CABLES1: variants seen among roughly 807,000 people sequenced by gnomAD.
CABLES1 encodes CDK5 and ABL1 enzyme substrate 1.
In CABLES1, 36 loss-of-function variants were observed where a neutral mutation model predicts 57.8. That is an observed-to-expected ratio of 0.62 (90% CI 0.48 to 0.82). The LOEUF (loss-of-function observed/expected upper bound fraction) is 0.82. Ranked by LOEUF, CABLES1 falls within the 40% of genes least tolerant of loss-of-function variation. The pLI, the probability that CABLES1 is intolerant of heterozygous loss-of-function variation, is 0.00. For synonymous variants in CABLES1, 374 were observed against 363.0 expected (o/e 1.03, Z -0.35); for missense variants, 767 against 836.6 (o/e 0.92, Z 1.03).
chr18:23,248,512 C>CT (rs59555750), intron 7 of CABLES1, among the ~76,000 whole-genome samples: 2,936 of 90,710 alleles, frequency 0.032, 80 homozygotes, highest in Middle Eastern at 0.055. Context: ...GACCCTATGT[C>CT]TTTTTTTTTT....
intron 1 of CABLES1, among the ~76,000 whole-genome samples, chr18:23,137,259 A>T (rs1258382744): frequency 6.6e-6 from 1 of 152,200 alleles, no homozygotes; most frequent in Admixed American, 6.5e-5. Flanking sequence ...TGAGTTCGTT[A>T]AACGCTTGTT....
chr18:23,178,868 C>T (rs1247286780), intron 1 of CABLES1, among the ~76,000 whole-genome samples: 2 of 152,194 alleles, frequency 1.3e-5, no homozygotes, highest in East Asian at 1.9e-4. Context: ...TTTCTTGACC[C>T]GCCTATGAAA....
chr18:23,202,187 C>T (rs1206676005), intron 3 of CABLES1, among the ~76,000 whole-genome samples: 1 of 152,212 alleles, frequency 6.6e-6, no homozygotes, highest in Non-Finnish European at 1.5e-5. Flanking sequence ...GGAACACAGT[C>T]ACTCTGGGTG....
At chr18:23,236,211 G>T (rs1379485906) in intron 6 of CABLES1, among the ~76,000 whole-genome samples, 160 bp downstream of exon 6, 1 of 152,198 alleles carries the variant, frequency 6.6e-6, no homozygotes, top group Non-Finnish European at 1.5e-5. Context: ...GGCCCGCAAT[G>T]AAGCCGCAGG....
chr18:23,246,576 A>G (rs949916728), intron 7 of CABLES1, among the ~76,000 whole-genome samples: 4 of 151,742 alleles, frequency 2.6e-5, no homozygotes, highest in Admixed American at 6.6e-5. Flanking sequence ...TGTTTTTAGT[A>G]GAGATGGGGT....
At chr18:23,172,190 A>T (rs911259654) in intron 1 of CABLES1, among the ~76,000 whole-genome samples, 1 of 152,164 alleles carries the variant, frequency 6.6e-6, no homozygotes, top group Non-Finnish European at 1.5e-5. Flanking sequence ...CTGAATACTC[A>T]TATGTAGGTA....
chr18:23,227,242 C>A lies in CABLES1; in HGVS notation c.1089-7366C>A, dbSNP rs546638619. The stretch of plus-strand genomic sequence containing the variant: ...TCCCTGCCTGGCTCCAGGCCCATGC[C>A]CCCTTCCTCCCCACCCACTTTCCCC... On this transcript the variant is annotated intron_variant, in intron 4 of 9. Coordinates refer to ENST00000256925, the MANE Select transcript of CABLES1 (RefSeq NM_001100619.3). Among the ~76,000 whole-genome samples the A allele has an allele frequency of 1.9e-4, 29 of 152,178 alleles. 1 individual carries two copies. In the South Asian group the frequency reaches 5.8e-3, roughly 31 times the overall value.
chr18:23,200,477 A>T lies in CABLES1; in HGVS notation c.1010+5937A>T, dbSNP rs112785205. The stretch of plus-strand genomic sequence containing the variant: ...CGGGGTTTCACCATGTTAGCCAGGA[A>T]GGTCTCGATCTCCTGACCTTGTGAT... On this transcript the variant is annotated intron_variant, in intron 3 of 9. Coordinates refer to ENST00000256925, the MANE Select transcript of CABLES1 (RefSeq NM_001100619.3). Among the ~76,000 whole-genome samples the T allele has an allele frequency of 6.3e-3, 963 of 152,110 alleles. 5 individuals are homozygous for T. The highest frequency in any genetic ancestry group is 0.019 in the African/African-American group (780 of 41,476).
intron 9 of CABLES1, among the ~76,000 whole-genome samples, chr18:23,255,736 T>C (rs1409387073): frequency 6.6e-6 from 1 of 151,946 alleles, no homozygotes; most frequent in Non-Finnish European, 1.5e-5. Context: ...ATTTTTTTTA[T>C]TTTTTATAGA....
intron 1 of CABLES1, among the ~76,000 whole-genome samples, chr18:23,159,370 C>T (rs2046987301): frequency 6.6e-6 from 1 of 152,112 alleles, no homozygotes; most frequent in Non-Finnish European, 1.5e-5. Flanking sequence ...GAGTATTTGC[C>T]CTGTTGTCTT....
At chr18:23,157,890 G>C (rs549635488) in intron 1 of CABLES1, among the ~76,000 whole-genome samples, 1 of 152,196 alleles carries the variant, frequency 6.6e-6, no homozygotes, top group Admixed American at 6.5e-5. Context: ...GAGCCAGACT[G>C]CCCAGGTTTG....
intron 4 of CABLES1, among the ~76,000 whole-genome samples, chr18:23,216,903 A>G (rs1214847771): frequency 1.3e-5 from 2 of 152,128 alleles, no homozygotes; most frequent in Non-Finnish European, 2.9e-5. Context: ...AGAAAGGGCC[A>G]CTGCATAGGA....
chr18:23,226,236 T>C (rs1467267020), intron 4 of CABLES1, among the ~76,000 whole-genome samples: 1 of 152,126 alleles, frequency 6.6e-6, no homozygotes, highest in Non-Finnish European at 1.5e-5. Flanking sequence ...ACCCCATCTC[T>C]ACTAAAATTA....
intron 3 of CABLES1, among the ~76,000 whole-genome samples, chr18:23,204,914 A>AT: frequency 6.6e-6 from 1 of 152,348 alleles, no homozygotes; most frequent in East Asian, 1.9e-4. Flanking sequence ...ACATGTGGGA[A>AT]TTATGGGAGC....
Position 23,136,088 on chromosome 18 carries a change from G to C in CABLES1, c.326G>C (p.Ser109Thr). The C allele has an allele frequency of 8.5e-7, 1 of 1,179,562 alleles. No homozygotes were observed. The highest frequency in any genetic ancestry group is 1.0e-6 in the Non-Finnish European group (1 of 955,572). The allele number at this position is 1,179,562 out of a possible 1,614,324, so 73.1% of individuals were successfully genotyped here. The change falls in exon 1 of 10, where the codon AGC becomes ACC. Residue 109 changes from serine (S) to threonine (T), a missense_variant. This residue lies in a region of CABLES1 where 198 missense variants were observed against 149.7 expected (regional missense o/e 1.32). Coordinates refer to ENST00000256925, the MANE Select transcript of CABLES1 (RefSeq NM_001100619.3). ...GCCTGCGGCGCGAGGACTCGGTTCA[G>C]CTTGCTCGCCGCTGCCGAGCGGGGC... is the stretch of plus-strand genomic sequence containing the variant. Reference protein sequence around the residue: ...GGACGARTRFSLLAAAERGGC... With the variant: ...GGACGARTRFTLLAAAERGGC...
chr18:23,189,539 C>G (rs560485197), intron 2 of CABLES1, among the ~76,000 whole-genome samples: 4 of 152,188 alleles, frequency 2.6e-5, no homozygotes, highest in African/African-American at 9.7e-5. Context: ...TACTGCACCC[C>G]CTTCCATCCT....
At chr18:23,180,579 C>T (rs60605964) in intron 1 of CABLES1, among the ~76,000 whole-genome samples, 14,099 of 152,076 alleles carry the variant, frequency 0.093, 1,289 homozygotes, top group Admixed American at 0.23. Flanking sequence ...TGCAGTAATG[C>T]GATCATAACT....
chr18:23,164,025 T>G (rs1046266797), intron 1 of CABLES1, among the ~76,000 whole-genome samples: 1 of 152,188 alleles, frequency 6.6e-6, no homozygotes, highest in Non-Finnish European at 1.5e-5. Context: ...AGAACTTATG[T>G]GGGTTCCAGG....
At chr18:23,194,882 T>G (rs915537461) in intron 3 of CABLES1, among the ~76,000 whole-genome samples, 8 of 152,230 alleles carry the variant, frequency 5.3e-5, no homozygotes, top group Admixed American at 5.2e-4. Flanking sequence ...TTTGTTGGTT[T>G]TGTTTTCGTT....
Sources: allele counts gnomAD v4.1 joint callset (sites outside exome capture counted in the v4.1 genomes callset), GRCh38; gene constraint gnomAD v4.1.1; regional missense constraint gnomAD v4.1.1; transcripts MANE v1.5; gene names NCBI Gene and HGNC (gene_info 2026-07-23, HGNC 2026-07-21).